The following GRID1 variants were observed in gnomAD, a reference collection of about 807,000 sequenced individuals.
GRID1 encodes glutamate ionotropic receptor delta type subunit 1.
A neutral mutation model predicts 98.0 loss-of-function variants in GRID1; 28 were observed. The ratio of observed to expected loss-of-function variants is 0.29; its 90% confidence interval spans 0.21 to 0.39. The LOEUF is 0.39. Among genes scored for constraint, GRID1 ranks in the 10% least tolerant of loss-of-function variants. The pLI is 1.00. For missense variants in GRID1, 1,111 were observed against 1,340.5 expected (o/e 0.83, Z 2.67); for synonymous variants, 553 against 538.5 (o/e 1.03, Z -0.37).
Position 86,267,079 on chromosome 10 carries a change from C to T in GRID1, c.236-60431G>A, listed in dbSNP as rs75266556. On this transcript the variant is annotated intron_variant, in intron 2 of 15. Coordinates refer to ENST00000327946, the MANE Select transcript of GRID1 (RefSeq NM_017551.3). ...CACGTCACGGCATGGATTCCCACCC[C>T]GGGAAAGTGCTTGGCACACAGCAGA... Among the ~76,000 whole-genome samples, 671 of 152,292 alleles carry T rather than the reference C, an allele frequency of 4.4e-3. 6 individuals carry two copies. Among genetic ancestry groups the T allele is most frequent in the African/African-American group, 0.015 (627 of 41,546 alleles).
intron 4 of GRID1, among the ~76,000 whole-genome samples, chr10:85,967,627 G>C (rs1240972478): frequency 6.6e-6 from 1 of 152,156 alleles, no homozygotes; most frequent in East Asian, 1.9e-4. Context: ...ACCAAATGGA[G>C]AATGTCAATA....
chr10:85,753,518 T>C (rs1007979745), intron 8 of GRID1, among the ~76,000 whole-genome samples: 4 of 152,224 alleles, frequency 2.6e-5, no homozygotes, highest in Admixed American at 2.0e-4. Context: ...CCAGAAAAGA[T>C]GACACTAAAA....
chr10:85,963,308 C>G (rs1564636736), intron 4 of GRID1, among the ~76,000 whole-genome samples: 1 of 152,152 alleles, frequency 6.6e-6, no homozygotes, highest in Non-Finnish European at 1.5e-5. Context: ...CCCTTCCTTC[C>G]TTTCTCCACT....
chr10:86,290,031 C>T (rs1396960856), intron 2 of GRID1, among the ~76,000 whole-genome samples: 1 of 151,594 alleles, frequency 6.6e-6, no homozygotes, highest in Admixed American at 6.6e-5. Context: ...AAGGCGTAAC[C>T]GCTAGATCCA....
At chr10:86,175,961 G>A (rs1409789466) in intron 3 of GRID1, among the ~76,000 whole-genome samples, 5 of 151,952 alleles carry the variant, frequency 3.3e-5, no homozygotes, top group Admixed American at 3.3e-4. Context: ...TGCCTGCCTC[G>A]GCCTCCCAAA....
intron 6 of GRID1, among the ~76,000 whole-genome samples, chr10:85,857,465 G>A (rs1843123345): frequency 6.6e-6 from 1 of 152,132 alleles, no homozygotes; most frequent in Non-Finnish European, 1.5e-5. Flanking sequence ...AGCCCAATGG[G>A]GGAGAAGGAC....
At chr10:85,698,665 T>A (rs1407611501) in intron 12 of GRID1, among the ~76,000 whole-genome samples, 3 of 152,224 alleles carry the variant, frequency 2.0e-5, no homozygotes, top group Admixed American at 1.3e-4. Context: ...TATTCTTAAT[T>A]CTTTGGGCTA....
At chr10:85,603,889 C>T (rs534667306) in intron 15 of GRID1, among the ~76,000 whole-genome samples, 1 of 152,248 alleles carries the variant, frequency 6.6e-6, no homozygotes, top group South Asian at 2.1e-4. Context: ...CCCTGTCCAC[C>T]TTGCAGGGGA....
intron 3 of GRID1, among the ~76,000 whole-genome samples, chr10:86,191,915 C>T (rs550546509): frequency 2.0e-5 from 3 of 152,250 alleles, no homozygotes; most frequent in South Asian, 2.1e-4. Flanking sequence ...ATCCATCCTG[C>T]GTCGCTGGGA....
chr10:85,694,681 G>A (rs993295560), intron 12 of GRID1, among the ~76,000 whole-genome samples: 25 of 149,274 alleles, frequency 1.7e-4, no homozygotes, highest in East Asian at 4.0e-4. Flanking sequence ...GGATATTACC[G>A]TAAGTGAAAT....
chr10:86,250,748 C>CCCGGTCTGGGAAGTGGGGAG (rs1846813066), intron 2 of GRID1, among the ~76,000 whole-genome samples: 1 of 151,958 alleles, frequency 6.6e-6, no homozygotes, highest in Admixed American at 6.5e-5. Context: ...TGCCCAGCCA[C>CCCGGTCTGGGAAGTGGGGAG]CCGGTCTGGG....
chr10:85,851,948 C>T (rs1445306945), intron 8 of GRID1, among the ~76,000 whole-genome samples: 1 of 152,020 alleles, frequency 6.6e-6, no homozygotes, highest in Non-Finnish European at 1.5e-5. Flanking sequence ...TTTCCCAGCC[C>T]CACCCTTCAC....
intron 8 of GRID1, among the ~76,000 whole-genome samples, chr10:85,798,216 G>T (rs1418912234): frequency 6.6e-6 from 1 of 152,158 alleles, no homozygotes; most frequent in African/African-American, 2.4e-5. Flanking sequence ...GGCAGTGATT[G>T]GAAAAAATAT....
chr10:85,789,831 A>T (rs981651474), intron 8 of GRID1, among the ~76,000 whole-genome samples: 1 of 152,220 alleles, frequency 6.6e-6, no homozygotes, highest in Non-Finnish European at 1.5e-5. Context: ...ATCTCATTCA[A>T]TGCAAACCTA....
At chr10:86,244,491 G>A (rs770707693) in intron 2 of GRID1, among the ~76,000 whole-genome samples, 4 of 152,188 alleles carry the variant, frequency 2.6e-5, no homozygotes, top group Admixed American at 6.5e-5. Flanking sequence ...TCTAGAAATC[G>A]GATTCGATGC....
At chr10:85,730,680 A>G (rs1841812361) in intron 8 of GRID1, among the ~76,000 whole-genome samples, 1 of 152,144 alleles carries the variant, frequency 6.6e-6, no homozygotes, top group Non-Finnish European at 1.5e-5. Flanking sequence ...TGGACTAGAG[A>G]TGGATATTTT....
chr10:86,049,555 G>A (rs571531065), intron 4 of GRID1, among the ~76,000 whole-genome samples: 1 of 152,310 alleles, frequency 6.6e-6, no homozygotes, highest in South Asian at 2.1e-4. Flanking sequence ...TTAATCCCTG[G>A]ATAAGGCAAA....
At chr10:86,082,684 T>G (rs140920228) in intron 4 of GRID1, among the ~76,000 whole-genome samples, 11 of 152,200 alleles carry the variant, frequency 7.2e-5, no homozygotes, top group African/African-American at 2.6e-4. Flanking sequence ...CCACAAAAAC[T>G]TTTTAGCCCC....
intron 5 of GRID1, among the ~76,000 whole-genome samples, chr10:85,888,320 C>A (rs1213612007): frequency 1.3e-5 from 2 of 152,178 alleles, no homozygotes; most frequent in East Asian, 3.9e-4. Flanking sequence ...AGACAGCAAT[C>A]TGCAGCAGTC....
Sources: gnomAD v4.1 joint callset for allele counts (sites outside exome capture counted in the v4.1 genomes callset) on GRCh38, gnomAD v4.1.1 for gene constraint, MANE v1.5 for transcripts, NCBI Gene and HGNC (gene_info 2026-07-23, HGNC 2026-07-21) for gene names.